The following MBD5 variants were observed in gnomAD, a reference collection of about 807,000 sequenced individuals.
MBD5 encodes the protein methyl-CpG binding domain protein 5.
A neutral mutation model predicts 117.3 loss-of-function variants in MBD5; 13 were observed. The ratio of observed to expected loss-of-function variants is 0.11; its 90% CI spans 0.07 to 0.18. The LOEUF is 0.18. Among genes scored for constraint, MBD5 ranks in the 10% least tolerant of loss-of-function variants. The pLI is 1.00. For missense variants in MBD5, 1,879 were observed against 2,093.8 expected, an observed-to-expected ratio of 0.90 and a Z score of 2.00; for synonymous variants, 727 against 766.4, an observed-to-expected ratio of 0.95 and a Z score of 0.85.
intron 2 of MBD5, among the ~76,000 whole-genome samples, chr2:148,226,951 G>A (rs1473562670): frequency 1.3e-5 from 2 of 152,138 alleles, no homozygotes; most frequent in South Asian, 2.1e-4. Context: ...CCCACTTTTT[G>A]ATGGGGTTGT....
chr2:148,021,800 C>A, intron 1 of MBD5, 116 bp downstream of exon 1: 1 of 117,784 alleles, frequency 8.5e-6, no homozygotes, highest in Non-Finnish European at 1.8e-5. Flanking sequence ...GGGGGTGGTG[C>A]TGGGGGGGGT....
intron 1 of MBD5, among the ~76,000 whole-genome samples, chr2:148,151,695 T>G (rs1188898638): frequency 1.3e-5 from 2 of 152,212 alleles, no homozygotes; most frequent in African/African-American, 4.8e-5. Flanking sequence ...GAGGAATTTA[T>G]CCATTTCTTC....
chr2:148,022,021 A>C (rs1482914040), intron 1 of MBD5, among the ~76,000 whole-genome samples: 3 of 152,140 alleles, frequency 2.0e-5, no homozygotes, highest in Admixed American at 6.5e-5. Context: ...AGAAAGAGGC[A>C]CACTTTCTAG....
At chr2:148,113,972 G>A (rs1696559946) in intron 1 of MBD5, among the ~76,000 whole-genome samples, 1 of 151,836 alleles carries the variant, frequency 6.6e-6, no homozygotes, top group East Asian at 1.9e-4. Context: ...CATCTTTCTA[G>A]GTCATTTAAT....
At chr2:148,329,258 CTCCTTTAGCCAGAAAGAA>C (rs1052274743) in intron 3 of MBD5, among the ~76,000 whole-genome samples, 5 of 152,308 alleles carry the variant, frequency 3.3e-5, no homozygotes, top group African/African-American at 1.2e-4. Context: ...AAGTTTACTT[CTCCTTTAGCCAGAAAGAA>C]AAGAAGTGCC....
intron 2 of MBD5, among the ~76,000 whole-genome samples, chr2:148,182,104 C>T (rs1166559497): frequency 6.6e-6 from 1 of 151,626 alleles, no homozygotes; most frequent in African/African-American, 2.4e-5. Flanking sequence ...TGATGTTGGC[C>T]ATCTCATGTC....
chr2:148,368,840 T>C (rs1287821208), intron 4 of MBD5, among the ~76,000 whole-genome samples: 1 of 152,134 alleles, frequency 6.6e-6, no homozygotes, highest in East Asian at 1.9e-4. Context: ...CTATTATCCC[T>C]TCTATTAGAT....
At position 148,271,306 on chromosome 2, in the gene MBD5, A is replaced by G. The variant is rs1188605789; in HGVS notation, c.-680+37911A>G. ...CGGAATATAATCAATTTTGGTAAAC[A>G]TTCTGTGGACATTTGAAGAGAATTA... is the stretch of plus-strand genomic sequence containing the variant. On this transcript the variant is annotated intron_variant, in intron 3 of 13. Transcript: ENST00000642680. Among the ~76,000 whole-genome samples, 4 of 152,186 alleles carry G rather than the reference A, an allele frequency of 2.6e-5. No homozygotes were observed. In the East Asian group the frequency reaches 7.7e-4, roughly 29 times the overall value.
At chr2:148,035,499 C>G (rs1223142290) in intron 1 of MBD5, among the ~76,000 whole-genome samples, 1 of 151,986 alleles carries the variant, frequency 6.6e-6, no homozygotes, top group African/African-American at 2.4e-5. Flanking sequence ...ACAGTAAGAC[C>G]CACAAAGTGG....
At chr2:148,451,119 G>A (rs889717263) in intron 4 of MBD5, among the ~76,000 whole-genome samples, 15 of 152,132 alleles carry the variant, frequency 9.9e-5, no homozygotes, top group Non-Finnish European at 2.1e-4. Flanking sequence ...AGTGGCAGGG[G>A]CAGGAGAGAT....
chr2:148,089,796 G>A (rs1000550804), intron 1 of MBD5, among the ~76,000 whole-genome samples: 18 of 151,760 alleles, frequency 1.2e-4, no homozygotes, highest in African/African-American at 4.4e-4. Context: ...AGAGAAACAA[G>A]AACAAACCAA....
intron 1 of MBD5, among the ~76,000 whole-genome samples, chr2:148,042,645 G>C (rs1694395513): frequency 6.6e-6 from 1 of 151,600 alleles, no homozygotes; most frequent in African/African-American, 2.4e-5. Context: ...AGATGAGGAG[G>C]ACCAAAAAAA....
Position 148,287,663 on chromosome 2 carries a change from C to A in MBD5, c.-680+54268C>A, listed in dbSNP as rs182493372. ...GACTGGGAAGTCCAAGGTCAAGGGG[C>A]CTGCATCTGGTGAGGACCTACTTGC... On this transcript the variant is annotated intron_variant, in intron 3 of 13. Transcript: ENST00000642680. Among the ~76,000 whole-genome samples the A allele has an allele frequency of 1.7e-3, 254 of 152,234 alleles. 3 individuals carry two copies. The highest frequency in any genetic ancestry group is 5.3e-3 in the African/African-American group (220 of 41,550).
At chr2:148,453,573 C>T (rs1188973730) in intron 4 of MBD5, among the ~76,000 whole-genome samples, 1 of 151,900 alleles carries the variant, frequency 6.6e-6, no homozygotes. Flanking sequence ...TAATTTTTGA[C>T]CTATGCTTAT....
intron 2 of MBD5, among the ~76,000 whole-genome samples, chr2:148,197,047 C>A (rs1699006903): frequency 6.6e-6 from 1 of 152,056 alleles, no homozygotes; most frequent in Admixed American, 6.6e-5. Context: ...TTATACTCTC[C>A]CATCAAGAGG....
At chr2:148,431,218 T>G (rs1347181356) in intron 4 of MBD5, among the ~76,000 whole-genome samples, 2 of 152,132 alleles carry the variant, frequency 1.3e-5, no homozygotes, top group Non-Finnish European at 2.9e-5. Flanking sequence ...TTCAACTTAT[T>G]TTTCATAGAA....
chr2:148,406,037 T>C (rs1327183987), intron 4 of MBD5, among the ~76,000 whole-genome samples: 1 of 151,976 alleles, frequency 6.6e-6, no homozygotes, highest in African/African-American at 2.4e-5. Flanking sequence ...ATTAATTAAT[T>C]AATAAAAATT....
chr2:148,279,289 G>T (rs1319438989), intron 3 of MBD5, among the ~76,000 whole-genome samples: 1 of 152,170 alleles, frequency 6.6e-6, no homozygotes, highest in African/African-American at 2.4e-5. Context: ...AGTTATCTGG[G>T]TGTGGTGGCA....
At chr2:148,032,912 T>C (rs1368399785) in intron 1 of MBD5, among the ~76,000 whole-genome samples, 1 of 151,980 alleles carries the variant, frequency 6.6e-6, no homozygotes, top group African/African-American at 2.4e-5. Flanking sequence ...AGGAAGGAGA[T>C]TAAAAGTTAT....
Sources: gnomAD v4.1 joint callset for allele counts (sites outside exome capture counted in the v4.1 genomes callset) on GRCh38, gnomAD v4.1.1 for gene constraint, MANE v1.5 for transcripts, NCBI Gene and HGNC (gene_info 2026-07-23, HGNC 2026-07-21) for gene names.